The following TCEA2 variants were observed in gnomAD, a reference collection of about 807,000 sequenced individuals.
The protein encoded by TCEA2 is transcription elongation factor A protein 2.
In TCEA2, 21 loss-of-function variants were observed where a neutral mutation model predicts 40.8. The ratio of observed to expected loss-of-function variants is 0.51; its 90% confidence interval spans 0.36 to 0.74. The LOEUF (loss-of-function observed/expected upper bound fraction) is 0.74. TCEA2 is among the 30% of genes least tolerant of loss of function. TCEA2 has a pLI of 0.00. For missense variants in TCEA2, 326 were observed against 426.5 expected (o/e 0.76, Z 2.08); for synonymous variants, 165 against 162.7 (o/e 1.01, Z -0.11).
At chr20:64,056,910 A>G (rs1260041504), upstream of TCEA2, 1 of 152,190 alleles carries the variant, frequency 6.6e-6, no homozygotes, top group African/African-American at 2.4e-5. Context: ...AGCCCTCAGG[A>G]CAGGGCCCCG....
At chr20:64,070,104 C>T in intron 6 of TCEA2, 156 bp from the exon 7 acceptor site, 1 of 1,170,092 alleles carries the variant, frequency 8.5e-7, no homozygotes, top group Admixed American at 2.1e-5. Flanking sequence ...GGCCCTGCAG[C>T]CCTTCACCTC....
upstream of TCEA2, among the ~76,000 whole-genome samples, chr20:64,061,770 C>T (rs945208031): frequency 2.0e-5 from 3 of 152,092 alleles, no homozygotes; most frequent in African/African-American, 7.2e-5. Flanking sequence ...TGTTGTTGGC[C>T]AGGGCTGGAG....
intron 5 of TCEA2, 68 bp downstream of exon 5, chr20:64,069,559 C>T (rs2059777338): frequency 6.3e-7 from 1 of 1,579,142 alleles, no homozygotes; most frequent in African/African-American, 1.3e-5. Flanking sequence ...CCCCTGCCTG[C>T]CCGCAGAGGC....
chr20:64,070,457 C>T (rs775978849), intron 7 of TCEA2, 32 bp from the exon 8 acceptor site: 33 of 1,613,498 alleles, frequency 2.0e-5, no homozygotes, highest in Admixed American at 1.7e-4. Flanking sequence ...TCCCTCGGAG[C>T]GGTGGGCTAA....
At chr20:64,063,091 C>G (rs45448193), upstream of TCEA2, 24,296 of 282,580 alleles carry the variant, frequency 0.086, 1,301 homozygotes, top group South Asian at 0.13. Flanking sequence ...GAGTTGTGGT[C>G]CAGAGCGCGG....
chr20:64,059,331 G>A (rs571867075), upstream of TCEA2, among the ~76,000 whole-genome samples: 3 of 151,776 alleles, frequency 2.0e-5, no homozygotes, highest in South Asian at 2.1e-4. Context: ...TTGCCCGACC[G>A]CCCCCCACCA....
chr20:64,070,185 A>G (rs2059796425), intron 6 of TCEA2, 75 bp from the exon 7 acceptor site: 10 of 1,582,288 alleles, frequency 6.3e-6, no homozygotes, highest in Middle Eastern at 1.7e-4. Flanking sequence ...CCACCCCAAC[A>G]TGGCCCCCAG....
chr20:64,057,953 G>C (rs998546646), intron 1 of TCEA2, among the ~76,000 whole-genome samples: 18 of 152,166 alleles, frequency 1.2e-4, no homozygotes, highest in African/African-American at 4.1e-4. Context: ...CTGCCACCTA[G>C]AGGCCACTGT....
chr20:64,069,066 A>G (rs1017828307), intron 4 of TCEA2, among the ~76,000 whole-genome samples: 8 of 152,212 alleles, frequency 5.3e-5, no homozygotes, highest in Admixed American at 4.6e-4. Context: ...TCGACTGGTA[A>G]TGCTGCCCAG....
upstream of TCEA2, chr20:64,063,139 A>C: frequency 7.4e-6 from 3 of 404,642 alleles, no homozygotes; most frequent in Non-Finnish European, 1.2e-5. Flanking sequence ...TGGACTACGC[A>C]TCCTAGGATG....
chr20:64,070,014 T>G lies in TCEA2; in HGVS notation c.517+193T>G, dbSNP rs1396927370. 4 of 878,878 alleles carry G rather than the reference T, an allele frequency of 4.6e-6. No individual in the cohort carries two copies. The African/African-American group carries it at 6.6e-5, about 15-fold the overall frequency. 54.4% of individuals were successfully genotyped at this position (878,878 alleles called of 1,614,324 possible). On this transcript the variant is annotated intron_variant, in intron 6 of 9. Transcript: ENST00000343484. ...CCCGGACCAGCTGAAGGGCTGATTCTGTCTGCTTGTGGGGCCTAGGTCCCC... is the reference window on the plus strand; with the variant it reads ...CCCGGACCAGCTGAAGGGCTGATTCGGTCTGCTTGTGGGGCCTAGGTCCCC...
chr20:64,072,225 C>T lies in TCEA2; in HGVS notation c.*45C>T, dbSNP rs767666489. On this transcript the variant is annotated 3_prime_UTR_variant, in exon 10 of 10. Transcript: ENST00000343484. Reference sequence around the variant, plus strand: ...GCAGCCTTGGGCCCTCCCCGGCCCACGTCCTCCGTTGACACAGCTTCTCTG... The same window carrying T: ...GCAGCCTTGGGCCCTCCCCGGCCCATGTCCTCCGTTGACACAGCTTCTCTG... The T allele has an allele frequency of 2.1e-5, 33 of 1,595,746 alleles. No individual in the cohort carries two copies. The highest frequency in any genetic ancestry group is 1.4e-4 in the South Asian group (13 of 90,350).
rs372369033 is a variant in TCEA2 at position 64,069,420 on chromosome 20, C to T, written c.389C>T (p.Pro130Leu). The change falls in exon 5 of 10, where the codon CCG becomes CTG. Residue 130 changes from proline (P) to leucine (L), a missense_variant. Pro to Leu is a moderately conservative substitution (Grantham distance 98, BLOSUM62 -3). Transcript: ENST00000343484. ...PSTPRITTFP[P>L]VPVTCDAVRN... is the part of the protein sequence containing the mutation. The stretch of plus-strand genomic sequence containing the variant: ...ACTCCGAGGATCACCACATTTCCTC[C>T]GGTGCCTGTCACCTGTGATGCCGTG... 44 of 1,612,748 alleles carry T rather than the reference C, an allele frequency of 2.7e-5. No individual in the cohort carries two copies. Among genetic ancestry groups the T allele is most frequent in the Admixed American group, 6.7e-5 (4 of 59,890 alleles).
chr20:64,070,213 G>T lies in TCEA2; in HGVS notation c.518-47G>T, dbSNP rs769062635. 7 of 1,604,194 alleles carry T rather than the reference G, an allele frequency of 4.4e-6. No homozygotes were observed. The South Asian group carries it at 7.8e-5, about 18-fold the overall frequency. On this transcript the variant is annotated intron_variant, in intron 6 of 9. Transcript: ENST00000343484. ...GCCCCCAGCGGGGCAGGTGGTAGGT[G>T]GAGGGCAGCGACGTTGTCCTCAGGT...
chr20:64,069,002 C>T (rs919530751), intron 4 of TCEA2, among the ~76,000 whole-genome samples: 12 of 152,268 alleles, frequency 7.9e-5, no homozygotes, highest in Admixed American at 2.0e-4. Context: ...ATTTGTGTTG[C>T]GGCCCAGTGG....
chr20:64,065,991 GGCGGGGGGTGC>G (rs1288699132), intron 1 of TCEA2: 1 of 154,836 alleles, frequency 6.5e-6, no homozygotes, highest in Non-Finnish European at 1.4e-5. Context: ...ACAGCTGGTG[GGCGGGGGGTGC>G]TTTGGGGAGA....
At chr20:64,057,806 G>C (rs1287518633) in intron 1 of TCEA2, among the ~76,000 whole-genome samples, 1 of 152,184 alleles carries the variant, frequency 6.6e-6, no homozygotes, top group Non-Finnish European at 1.5e-5. Flanking sequence ...CACTCTCTAG[G>C]ACTGGCCACC....
Position 64,058,129 on chromosome 20 carries a change from G to A in TCEA2, c.-84+478G>A, listed in dbSNP as rs1399467979. Among the ~76,000 whole-genome samples, 4 of 152,202 alleles carry A rather than the reference G, an allele frequency of 2.6e-5. No homozygotes were observed. The highest frequency in any genetic ancestry group is 6.5e-5 in the Admixed American group (1 of 15,292). On this transcript the variant is annotated intron_variant, in intron 1 of 10. Transcript: ENST00000361317. This position sits in a 1 kb window ranked among gnomAD's most constrained non-coding sequence, Gnocchi z 6.7. Reference sequence around the variant, plus strand: ...CAGGGTTCGGGGCTCCTGTCATAGCGGAGTGGCTGCGGCCCGCAGGTCAGA... The same window carrying A: ...CAGGGTTCGGGGCTCCTGTCATAGCAGAGTGGCTGCGGCCCGCAGGTCAGA...
upstream of TCEA2, among the ~76,000 whole-genome samples, chr20:64,058,667 A>G (rs2059506135): frequency 6.6e-6 from 1 of 152,242 alleles, no homozygotes; most frequent in South Asian, 2.1e-4. This position sits in a 1 kb window ranked among gnomAD's most constrained non-coding sequence, Gnocchi z 6.7. Flanking sequence ...ACACACAGTT[A>G]TGCAAATATT....
Sources: gnomAD v4.1 joint callset for allele counts (sites outside exome capture counted in the v4.1 genomes callset) on GRCh38, gnomAD v4.1.1 for gene constraint, Gnocchi (gnomAD v3.1) non-coding constraint, MANE v1.5 for transcripts, NCBI Gene and HGNC (gene_info 2026-07-23, HGNC 2026-07-21) for gene names.